Variants in RASSF2 observed in about 807,000 individuals in gnomAD.
The protein encoded by RASSF2 is ras association domain-containing protein 2.
RASSF2 carries 34 observed loss-of-function variants against 46.3 expected under a neutral mutation model. That is an observed-to-expected ratio of 0.73 (90% CI 0.56 to 0.98). The LOEUF (loss-of-function observed/expected upper bound fraction) is 0.98, where lower values mean the gene tolerates loss of function less well. RASSF2 is among the 50% of genes least tolerant of loss of function. The pLI is 0.00. For synonymous variants in RASSF2, 158 were observed against 162.5 expected (o/e 0.97, Z 0.21); for missense variants, 364 against 431.2 (o/e 0.84, Z 1.38).
At position 4,787,701 on chromosome 20, in the gene RASSF2, CCTG is replaced by C; in HGVS notation, c.742_744del (p.Gln248del). 1 of 1,614,096 alleles carries C rather than the reference CCTG, an allele frequency of 6.2e-7. No homozygotes were observed. Among genetic ancestry groups the C allele is most frequent in the Non-Finnish European group, 8.5e-7 (1 of 1,180,030 alleles). The stretch of plus-strand genomic sequence containing the variant: ...ACTTTGGAGATCTGCTCACATGGGC[CCTG>C]GAGGATTCGGGCAATCAGCGGGTAA... On this transcript the variant is annotated inframe_deletion, in exon 10 of 12. Transcript: ENST00000379400.
intron 1 of RASSF2, among the ~76,000 whole-genome samples, chr20:4,823,248 C>T (rs2122722035): frequency 6.6e-6 from 1 of 152,230 alleles, no homozygotes; most frequent in South Asian, 2.1e-4. Context: ...CGCCCTGCAC[C>T]TTGCGCCGGG....
intron 4 of RASSF2, among the ~76,000 whole-genome samples, chr20:4,796,180 G>C (rs1385501859): frequency 6.6e-6 from 1 of 152,232 alleles, no homozygotes; most frequent in African/African-American, 2.4e-5. Flanking sequence ...TCACAGGTCA[G>C]CACAAAAGTT....
chr20:4,808,669 A>G (rs557808961), intron 2 of RASSF2, among the ~76,000 whole-genome samples: 17 of 151,984 alleles, frequency 1.1e-4, no homozygotes, highest in African/African-American at 4.1e-4. Flanking sequence ...TATTTTTTGT[A>G]AAGATGGAGT....
rs972051614 is a variant in RASSF2, at chr20:4,800,341, G to A, written c.59+631C>T. The stretch of plus-strand genomic sequence containing the variant: ...CTGGGAACACAACGGACAGGACGGG[G>A]AGCAGTGTCTGAGTCCATTCTGGCT... On this transcript the variant is annotated intron_variant, in intron 3 of 11. Coordinates refer to ENST00000379400, the MANE Select transcript of RASSF2 (RefSeq NM_014737.3). Among the ~76,000 whole-genome samples, 13 of 152,266 alleles carry A rather than the reference G, an allele frequency of 8.5e-5. No homozygotes were observed. In the South Asian group the frequency reaches 1.7e-3, roughly 19 times the overall value.
rs368380306 is a variant in RASSF2, at chr20:4,805,656, C to T, written c.-32-4594G>A. Among the ~76,000 whole-genome samples, 61 of 152,282 alleles carry T rather than the reference C, an allele frequency of 4.0e-4. No homozygotes were observed. In the East Asian group the frequency reaches 5.4e-3, roughly 13 times the overall value. Reference sequence around the variant, plus strand: ...TTTGGAAAGGTCACCCACCCAATGCCTTGCTTTGTGGAGAAATAATCCGGG... The same window carrying T: ...TTTGGAAAGGTCACCCACCCAATGCTTTGCTTTGTGGAGAAATAATCCGGG... On this transcript the variant is annotated intron_variant, in intron 2 of 11. Transcript: ENST00000379400.
intron 6 of RASSF2, among the ~76,000 whole-genome samples, chr20:4,791,047 C>T (rs960584422): frequency 1.3e-5 from 2 of 152,166 alleles, no homozygotes; most frequent in Non-Finnish European, 2.9e-5. Flanking sequence ...ACATGCTACC[C>T]ACGGATGAAC....
intron 1 of RASSF2, among the ~76,000 whole-genome samples, chr20:4,823,202 T>C (rs1367559287): frequency 6.6e-6 from 1 of 151,904 alleles, no homozygotes; most frequent in African/African-American, 2.4e-5. Flanking sequence ...GGAAAAACTT[T>C]GGCGAGGTGG....
intron 5 of RASSF2, among the ~76,000 whole-genome samples, chr20:4,793,653 TA>T (rs200336543): frequency 7.2e-5 from 11 of 151,986 alleles, no homozygotes; most frequent in Admixed American, 5.9e-4. Flanking sequence ...TTTTTTATTT[TA>T]TTTTTTTGTA....
intron 1 of RASSF2, among the ~76,000 whole-genome samples, chr20:4,823,276 T>TCGCTCCCAGTGCCC (rs1928845100): frequency 6.6e-6 from 1 of 151,958 alleles, no homozygotes; most frequent in Non-Finnish European, 1.5e-5. Context: ...CGCCAGTGCC[T>TCGCTCCCAGTGCCC]CGCTCCCAGT....
At chr20:4,797,115 A>G (rs929942486) in intron 4 of RASSF2, among the ~76,000 whole-genome samples, 7 of 152,240 alleles carry the variant, frequency 4.6e-5, no homozygotes, top group African/African-American at 1.7e-4. Context: ...GGAAGGCTTT[A>G]TGTAAACATA....
chr20:4,817,863 CAATGACTCTTCTGA>C (rs1928423742), intron 2 of RASSF2, among the ~76,000 whole-genome samples: 1 of 152,176 alleles, frequency 6.6e-6, no homozygotes, highest in Admixed American at 6.5e-5. Flanking sequence ...AAGGACAAGG[CAATGACTCTTCTGA>C]AAGAGATCAA....
chr20:4,822,083 G>A (rs1262653282), intron 2 of RASSF2, among the ~76,000 whole-genome samples: 2 of 152,246 alleles, frequency 1.3e-5, no homozygotes, highest in African/African-American at 4.8e-5. Flanking sequence ...TGCAGAAAAA[G>A]TGCCTGGTAA....
chr20:4,787,635 C>A lies in RASSF2; in HGVS notation c.811G>T (p.Asp271Tyr), dbSNP rs189107203. ...EKDQVEEVTY[D>Y]VAQYIKFEMP... ...CGCCTGACCCAAAGGGAACTCACGT[C>A]GTAGGTGACTTCCTCCACCTGGTCC... The change falls in exon 10 of 12, where the codon GAC becomes TAC. Residue 271 changes from aspartate (D) to tyrosine (Y), a missense_variant and splice_region_variant. Coordinates refer to ENST00000379400, the MANE Select transcript of RASSF2 (RefSeq NM_014737.3). 7 of 1,614,164 alleles carry A rather than the reference C, an allele frequency of 4.3e-6. No individual in the cohort carries two copies. Among genetic ancestry groups the A allele is most frequent in the Non-Finnish European group, 5.9e-6 (7 of 1,180,030 alleles).
chr20:4,788,078 G>T, intron 9 of RASSF2, 139 bp downstream of exon 9: 1 of 824,916 alleles, frequency 1.2e-6, no homozygotes, highest in Non-Finnish European at 2.0e-6. Context: ...CATACAGCAA[G>T]CCCATCAGCC....
intron 5 of RASSF2, among the ~76,000 whole-genome samples, 183 bp from the exon 6 acceptor site, chr20:4,792,810 G>A (rs1194292485): frequency 1.3e-5 from 2 of 152,184 alleles, no homozygotes. Flanking sequence ...GTGAAAGGCT[G>A]GCCCAGCTCC....
At chr20:4,798,611 G>A (rs1033077278) in intron 3 of RASSF2, among the ~76,000 whole-genome samples, 3 of 151,828 alleles carry the variant, frequency 2.0e-5, no homozygotes, top group Non-Finnish European at 4.4e-5. Context: ...GATCACTTAA[G>A]GTCAGGAGTT....
In RASSF2 at chr20:4,790,304, T is replaced by C. The variant is rs1000200779; in HGVS notation, c.537+147A>G. ...CAGCCCTCAGGAAGCCAGCAGGGCT[T>C]GCAGCCCACCCACAACCCAAAGACT... On this transcript the variant is annotated intron_variant, in intron 7 of 11. Coordinates refer to ENST00000379400, the MANE Select transcript of RASSF2 (RefSeq NM_014737.3). This position sits in a 1 kb window ranked among gnomAD's most constrained non-coding sequence, Gnocchi z 4.3. The C allele has an allele frequency of 4.2e-5, 40 of 961,344 alleles. No homozygotes were observed. Among genetic ancestry groups the C allele is most frequent in the Non-Finnish European group, 5.4e-5 (38 of 708,004 alleles). 59.6% of individuals were successfully genotyped at this position (961,344 alleles called of 1,614,324 possible). A position where few individuals can be genotyped will look rare whatever the true frequency, so the allele number is the denominator to read the frequency against.
intron 11 of RASSF2, 110 bp from the exon 12 acceptor site, chr20:4,784,452 C>G (rs1925112739): frequency 3.1e-6 from 3 of 958,674 alleles, no homozygotes; most frequent in Non-Finnish European, 5.0e-6. Flanking sequence ...ACAGTGCAGT[C>G]AAGTGCCCTG....
chr20:4,781,517 T>C lies in RASSF2; in HGVS notation c.*2756A>G, dbSNP rs138739946. The C allele has an allele frequency of 2.0e-5, 3 of 152,294 alleles. No homozygotes were observed. The highest frequency in any genetic ancestry group is 7.2e-5 in the African/African-American group (3 of 41,548). The allele number at this position is 152,294 out of a possible 1,614,324, so 9.4% of individuals were successfully genotyped here. Reference sequence around the variant, plus strand: ...CAATACGTACAGGGAAGACTATCTTTTGTGCTTTTCAGCCTCTCCCCAAGA... The same window carrying C: ...CAATACGTACAGGGAAGACTATCTTCTGTGCTTTTCAGCCTCTCCCCAAGA... On this transcript the variant is annotated 3_prime_UTR_variant, in exon 12 of 12. Coordinates refer to ENST00000379400, the MANE Select transcript of RASSF2 (RefSeq NM_014737.3).
Sources: allele counts gnomAD v4.1 joint callset (sites outside exome capture counted in the v4.1 genomes callset), GRCh38; gene constraint gnomAD v4.1.1; non-coding constraint Gnocchi (gnomAD v3.1); transcripts MANE v1.5; gene names NCBI Gene and HGNC (gene_info 2026-07-23, HGNC 2026-07-21).